The following NFIB variants were observed in gnomAD, a reference collection of about 807,000 sequenced individuals.
The protein encoded by NFIB is nuclear factor I B.
In NFIB, 11 loss-of-function variants were observed where a neutral mutation model predicts 61.5. The observed-to-expected ratio is 0.18, with a 90% CI of 0.11 to 0.30. NFIB has a LOEUF of 0.30. Among genes scored for constraint, NFIB ranks in the 10% least tolerant of loss-of-function variants. The pLI is 1.00. For synonymous variants in NFIB, 260 were observed against 216.5 expected, an observed-to-expected ratio of 1.20 and a Z score of -1.76; for missense variants, 471 against 608.9, an observed-to-expected ratio of 0.77 and a Z score of 2.38.
At chr9:14,483,985 A>G in the NFIB span, among the ~76,000 whole-genome samples, 2 of 152,208 alleles carry the variant, frequency 1.3e-5, no homozygotes, top group Non-Finnish European at 2.9e-5. Flanking sequence ...GTTGAATTAT[A>G]TTTCACACCA....
chr9:14,300,232 C>G (rs917676536), intron 2 of NFIB: 15 of 398,400 alleles, frequency 3.8e-5, no homozygotes, highest in African/African-American at 6.2e-5. Flanking sequence ...AGCGTCTCTT[C>G]TTGCTATGCT....
At position 14,082,090 on chromosome 9, in the gene NFIB, A is replaced by C. The variant is rs1482432485; in HGVS notation, c.*6219T>G. ...ACCGGGCACAATAAAACCTTCACTA[A>C]CATTCTGGCCCAGTCTGGGGTTGAT... On this transcript the variant is annotated 3_prime_UTR_variant, in exon 11 of 11. Coordinates refer to ENST00000380953, the MANE Select transcript of NFIB (RefSeq NM_001190737.2). The C allele has an allele frequency of 4.7e-6, 1 of 211,490 alleles. No individual in the cohort carries two copies. Among genetic ancestry groups the C allele is most frequent in the Non-Finnish European group, 9.6e-6 (1 of 103,930 alleles). The allele number at this position is 211,490 out of a possible 1,614,324, so 13.1% of individuals were successfully genotyped here. A position where few individuals can be genotyped will look rare whatever the true frequency, so the allele number is the denominator to read the frequency against.
intron 2 of NFIB, among the ~76,000 whole-genome samples, chr9:14,246,844 T>C (rs1416896104): frequency 6.6e-6 from 1 of 152,138 alleles, no homozygotes; most frequent in Non-Finnish European, 1.5e-5. Context: ...CAATCCCCAG[T>C]GTAACTGCAT....
chr9:14,500,247 C>A, the NFIB span, among the ~76,000 whole-genome samples: 1 of 152,286 alleles, frequency 6.6e-6, no homozygotes, highest in South Asian at 2.1e-4. Context: ...ACCCAGGAAG[C>A]CTGGCTTCTT....
intron 1 of NFIB, among the ~76,000 whole-genome samples, chr9:14,368,017 C>G (rs1360008097): frequency 6.6e-6 from 1 of 151,970 alleles, no homozygotes; most frequent in African/African-American, 2.4e-5. Context: ...ATCCCAGGTA[C>G]CAAACATGGC....
rs190520412 is a variant in NFIB at position 14,165,834 on chromosome 9, G to A, written c.617-9941C>T. Reference sequence around the variant, plus strand: ...CTCATAGAAACAAAGTCACATGGTGGTTGCCAGGGGCTGGGGAGAGTAGGG... The same window carrying A: ...CTCATAGAAACAAAGTCACATGGTGATTGCCAGGGGCTGGGGAGAGTAGGG... On this transcript the variant is annotated intron_variant, in intron 3 of 10. Coordinates refer to ENST00000380953, the MANE Select transcript of NFIB (RefSeq NM_001190737.2). Among the ~76,000 whole-genome samples the A allele has an allele frequency of 7.9e-5, 12 of 152,252 alleles. No homozygotes were observed. The East Asian group carries it at 1.9e-3, about 24-fold the overall frequency.
At chr9:14,296,242 T>A (rs538659955) in intron 2 of NFIB, among the ~76,000 whole-genome samples, 11 of 152,380 alleles carry the variant, frequency 7.2e-5, no homozygotes, top group African/African-American at 1.9e-4. Context: ...TTATTAACAT[T>A]ATTGCTTTTA....
At chr9:14,213,408 G>A (rs2050519765) in intron 2 of NFIB, among the ~76,000 whole-genome samples, 1 of 152,212 alleles carries the variant, frequency 6.6e-6, no homozygotes, top group Non-Finnish European at 1.5e-5. Context: ...CACAGCAGTG[G>A]TTCTTAAGCT....
chr9:14,313,175 G>A lies in NFIB; in HGVS notation c.30+307C>T, dbSNP rs1223048328. Among the ~76,000 whole-genome samples the A allele has an allele frequency of 1.3e-5, 2 of 152,158 alleles. No homozygotes were observed. Among genetic ancestry groups the A allele is most frequent in the African/African-American group, 4.8e-5 (2 of 41,452 alleles). On this transcript the variant is annotated intron_variant, in intron 1 of 10. Transcript: ENST00000380953. This position sits in a 1 kb window ranked among gnomAD's most constrained non-coding sequence, Gnocchi z 4.5. ...GGGCGGGGATGCCGCACCACAACGG[G>A]CACTTGAGGGGCCGCACGGGGCCTC...
Position 14,307,605 on chromosome 9 carries a change from C to G in NFIB, c.31-85G>C. ...AAAAAATAAGAAAAGAAGACCACAA[C>G]CCGTTTCCAATTCAGTACAAAAAGT... On this transcript the variant is annotated intron_variant, in intron 1 of 10. Coordinates refer to ENST00000380953, the MANE Select transcript of NFIB (RefSeq NM_001190737.2). The surrounding 1 kb of genome is among the most constrained non-coding windows in gnomAD (Gnocchi z 5.3). The G allele has an allele frequency of 7.6e-7, 1 of 1,317,408 alleles. No individual in the cohort carries two copies. The highest frequency in any genetic ancestry group is 1.7e-5 in the South Asian group (1 of 58,916). 81.6% of individuals were successfully genotyped at this position (1,317,408 alleles called of 1,614,324 possible).
At chr9:14,291,100 A>G (rs1205785188) in intron 2 of NFIB, among the ~76,000 whole-genome samples, 1 of 152,094 alleles carries the variant, frequency 6.6e-6, no homozygotes, top group Non-Finnish European at 1.5e-5. Flanking sequence ...CAATGTGTTA[A>G]TCTTTGCCTT....
intron 10 of NFIB, among the ~76,000 whole-genome samples, chr9:14,105,500 A>C (rs781151069): frequency 1.3e-5 from 2 of 152,168 alleles, no homozygotes; most frequent in Non-Finnish European, 2.9e-5. Flanking sequence ...AGGTTACTTG[A>C]GCAAGAGCCT....
chr9:14,529,369 T>C, the NFIB span, among the ~76,000 whole-genome samples: 1 of 152,150 alleles, frequency 6.6e-6, no homozygotes, highest in African/African-American at 2.4e-5. Context: ...TAAAATTTTA[T>C]TTGATTAAGC....
At chr9:14,506,033 T>C in the NFIB span, among the ~76,000 whole-genome samples, 165 of 152,100 alleles carry the variant, frequency 1.1e-3, 1 homozygote, top group African/African-American at 3.7e-3. Flanking sequence ...TGCAGCCAAA[T>C]AGAAAGAAAA....
chr9:14,510,711 TACA>T, the NFIB span, among the ~76,000 whole-genome samples: 4 of 152,308 alleles, frequency 2.6e-5, no homozygotes, highest in East Asian at 1.9e-4. Context: ...TTCAAAAAAG[TACA>T]ACAACCTCAA....
At chr9:14,266,439 T>A (rs1040184475) in intron 2 of NFIB, among the ~76,000 whole-genome samples, 11 of 151,312 alleles carry the variant, frequency 7.3e-5, no homozygotes, top group South Asian at 2.1e-4. Context: ...AAAAAAAAAA[T>A]TTTTAAATAG....
intron 2 of NFIB, among the ~76,000 whole-genome samples, chr9:14,223,314 T>C (rs934137910): frequency 7.9e-5 from 12 of 152,208 alleles, no homozygotes; most frequent in Non-Finnish European, 1.6e-4. Context: ...TCTGACCTTG[T>C]CCTCGCCTTA....
intron 2 of NFIB, among the ~76,000 whole-genome samples, chr9:14,214,876 C>A (rs2050687615): frequency 6.6e-6 from 1 of 152,174 alleles, no homozygotes; most frequent in African/African-American, 2.4e-5. Context: ...CCATCCTATA[C>A]AATTGGAATT....
chr9:14,133,681 T>C (rs1268598173), intron 6 of NFIB, among the ~76,000 whole-genome samples: 2 of 152,098 alleles, frequency 1.3e-5, no homozygotes, highest in Admixed American at 6.6e-5. Context: ...ATAAACAGTG[T>C]TGAAGAGAGG....
Sources: allele counts gnomAD v4.1 joint callset (sites outside exome capture counted in the v4.1 genomes callset), GRCh38; gene constraint gnomAD v4.1.1; non-coding constraint Gnocchi (gnomAD v3.1); transcripts MANE v1.5; gene names NCBI Gene and HGNC (gene_info 2026-07-23, HGNC 2026-07-21).